Variants in TRPM7 observed in about 807,000 individuals in gnomAD.
TRPM7 encodes LTRPC ion channel family member 7.
Under a neutral mutation model 229.7 loss-of-function variants are expected in TRPM7, and 134 were observed. That is an observed-to-expected ratio of 0.58 (90% CI 0.51 to 0.67). The LOEUF (loss-of-function observed/expected upper bound fraction) is 0.67, where lower values mean the gene tolerates loss of function less well. TRPM7 is among the 30% of genes least tolerant of loss of function. The pLI is 0.00. For missense variants in TRPM7, 1,901 were observed against 2,210.0 expected, an observed-to-expected ratio of 0.86 and a Z score of 2.80; for synonymous variants, 699 against 715.2, an observed-to-expected ratio of 0.98 and a Z score of 0.36.
chr15:50,632,487 A>G (rs926349981), intron 9 of TRPM7, among the ~76,000 whole-genome samples: 1 of 152,204 alleles, frequency 6.6e-6, no homozygotes, highest in Non-Finnish European at 1.5e-5. Flanking sequence ...ATTGAAACAA[A>G]GCAGCACTGA....
At chr15:50,563,848 G>C (rs2053440779) in intron 38 of TRPM7, among the ~76,000 whole-genome samples, 2 of 151,982 alleles carry the variant, frequency 1.3e-5, no homozygotes, top group African/African-American at 4.8e-5. Flanking sequence ...TGTATTTTAT[G>C]TGTAGCCCAA....
At chr15:50,575,640 A>T in intron 33 of TRPM7, 84 bp downstream of exon 33, 1 of 1,166,038 alleles carries the variant, frequency 8.6e-7, no homozygotes, top group Non-Finnish European at 1.2e-6. Flanking sequence ...TTCTTAATGT[A>T]ATCCCACCCA....
intron 26 of TRPM7, among the ~76,000 whole-genome samples, chr15:50,590,658 T>C (rs1411255151): frequency 6.6e-6 from 1 of 152,132 alleles, no homozygotes; most frequent in Non-Finnish European, 1.5e-5. Context: ...AATGCATTTT[T>C]AAAAATAAAT....
intron 28 of TRPM7, among the ~76,000 whole-genome samples, chr15:50,585,861 CAAG>C (rs2059328021): frequency 6.6e-6 from 1 of 151,934 alleles, no homozygotes; most frequent in Admixed American, 6.6e-5. Context: ...ATTAATGGTA[CAAG>C]GCAACATGTA....
intron 38 of TRPM7, among the ~76,000 whole-genome samples, chr15:50,562,552 T>C (rs1235947584): frequency 6.6e-6 from 1 of 152,014 alleles, no homozygotes; most frequent in African/African-American, 2.4e-5. Flanking sequence ...AGAGAATCAT[T>C]TGAGGTCAGG....
intron 12 of TRPM7, among the ~76,000 whole-genome samples, chr15:50,620,803 A>G (rs2060374442): frequency 6.6e-6 from 1 of 152,018 alleles, no homozygotes; most frequent in South Asian, 2.1e-4. Flanking sequence ...GTGGTGGCAC[A>G]TGCCTTTAAT....
Position 50,646,664 on chromosome 15 carries a change from A to G in TRPM7, c.321+2023T>C, listed in dbSNP as rs576407451. On this transcript the variant is annotated intron_variant, in intron 4 of 38. Transcript: ENST00000646667. ...TTAAAATTCATGCTGACAAGAGCAC[A>G]TAAGTCTTAAGAGAAATAAGTGCAG... 7.2e-5 allele frequency among the ~76,000 whole-genome samples: 11 copies of G among 152,354 alleles called. No homozygotes were observed. The South Asian group carries it at 1.4e-3, about 20-fold the overall frequency.
chr15:50,678,515 AAAATATAT>A (rs1449225693), intron 1 of TRPM7, among the ~76,000 whole-genome samples: 3 of 82,796 alleles, frequency 3.6e-5, no homozygotes, highest in African/African-American at 4.1e-5. Context: ...TTAAAAAAAA[AAAATATAT>A]ATATATATAT....
chr15:50,607,638 C>T (rs1284455615), intron 19 of TRPM7, among the ~76,000 whole-genome samples: 1 of 152,122 alleles, frequency 6.6e-6, no homozygotes, highest in African/African-American at 2.4e-5. Context: ...TTCTGCTTAA[C>T]TCATACCTAC....
chr15:50,619,816 T>C lies in TRPM7; in HGVS notation c.1441-18A>G, dbSNP rs752212087. 6.3e-7 allele frequency: 1 copy of C among 1,588,072 alleles called. No individual in the cohort carries two copies. The highest frequency in any genetic ancestry group is 1.2e-5 in the South Asian group (1 of 84,802). On this transcript the variant is annotated intron_variant, in intron 12 of 38. Transcript: ENST00000646667. ...CCTTGTTTCTTTAGGGAGAAAAAGT[T>C]ACAGCAAACTATTATTTTTCTTCTA...
intron 2 of TRPM7, among the ~76,000 whole-genome samples, chr15:50,660,917 C>G (rs946962685): frequency 6.6e-6 from 1 of 151,274 alleles, no homozygotes; most frequent in African/African-American, 2.4e-5. Flanking sequence ...CTAAATTGAC[C>G]AATAGTAGAA....
chr15:50,648,839 T>G lies in TRPM7; in HGVS notation c.169A>C (p.Ser57Arg). 6.2e-7 allele frequency: 1 copy of G among 1,612,626 alleles called. No individual in the cohort carries two copies. Among genetic ancestry groups the G allele is most frequent in the Non-Finnish European group, 8.5e-7 (1 of 1,179,174 alleles). The change falls in exon 4 of 39, where the codon AGT becomes CGT. Residue 57 changes from serine to arginine, a missense_variant. Physicochemically the swap from Ser to Arg is moderately radical, Grantham distance 110 (BLOSUM62 -1). Around this residue, in one of 8 missense-constraint regions of TRPM7, gnomAD observed 794 missense variants for 881.9 expected, o/e 0.90. Coordinates refer to ENST00000646667, the MANE Select transcript of TRPM7 (RefSeq NM_017672.6). ...ACATCTGAGTATTTCATGGCAAGACTTGCAGTAAAACAAGCATGTTGCTTG... is the reference window on the plus strand; with the variant it reads ...ACATCTGAGTATTTCATGGCAAGACGTGCAGTAAAACAAGCATGTTGCTTG... ...LVKQHACFTA[S>R]LAMKYSDVKL...
intron 38 of TRPM7, among the ~76,000 whole-genome samples, chr15:50,568,825 AAAC>A (rs932212035): frequency 4.6e-5 from 7 of 151,904 alleles, no homozygotes; most frequent in African/African-American, 1.7e-4. Flanking sequence ...AAAAAAACCA[AAAC>A]AACAATTAGC....
chr15:50,644,947 G>A (rs1395696089), intron 4 of TRPM7, among the ~76,000 whole-genome samples: 1 of 152,040 alleles, frequency 6.6e-6, no homozygotes. Context: ...TGTTGCCCAG[G>A]CTGGAGTGCA....
intron 12 of TRPM7, among the ~76,000 whole-genome samples, chr15:50,623,520 C>A: frequency 7.8e-6 from 1 of 128,824 alleles, no homozygotes; most frequent in African/African-American, 3.0e-5. Context: ...ATTTGGGGGG[C>A]AATAAAAAGG....
At chr15:50,683,882 T>C (rs996126834) in intron 1 of TRPM7, among the ~76,000 whole-genome samples, 1 of 152,148 alleles carries the variant, frequency 6.6e-6, no homozygotes, top group Non-Finnish European at 1.5e-5. Flanking sequence ...CAAGTCTTTT[T>C]TTTTTGAGAA....
At chr15:50,655,439 A>T (rs2061535436) in intron 3 of TRPM7, among the ~76,000 whole-genome samples, 2 of 148,316 alleles carry the variant, frequency 1.3e-5, no homozygotes, top group South Asian at 2.2e-4. Context: ...TCTCAAAGGA[A>T]AAAAAAAACA....
intron 28 of TRPM7, 80 bp downstream of exon 28, chr15:50,586,310 CAT>C (rs2059341201): frequency 1.1e-6 from 1 of 908,548 alleles, no homozygotes; most frequent in Non-Finnish European, 1.7e-6. Flanking sequence ...ATTCACTGCT[CAT>C]GTGTTTGACA....
intron 29 of TRPM7, among the ~76,000 whole-genome samples, chr15:50,582,126 TA>T (rs2054445760): frequency 6.6e-6 from 1 of 152,110 alleles, no homozygotes; most frequent in Non-Finnish European, 1.5e-5. Context: ...CACACCCAGA[TA>T]AGTTTTGATT....
Sources: allele counts gnomAD v4.1 joint callset (sites outside exome capture counted in the v4.1 genomes callset), GRCh38; gene constraint gnomAD v4.1.1; regional missense constraint gnomAD v4.1.1; transcripts MANE v1.5; gene names NCBI Gene and HGNC (gene_info 2026-07-23, HGNC 2026-07-21).